Variants in GCHFR observed in about 807,000 individuals in gnomAD.
The protein encoded by GCHFR is GTP cyclohydrolase I feedback regulator.
A neutral mutation model predicts 10.6 loss-of-function variants in GCHFR; 12 were observed. The observed-to-expected ratio is 1.13, with a 90% confidence interval of 0.72 to 1.83. The LOEUF (loss-of-function observed/expected upper bound fraction) is 1.83, where lower values mean the gene tolerates loss of function less well. GCHFR is among the 40% of genes most tolerant of loss of function. The probability of loss-of-function intolerance (pLI) is 0.00; values close to 1 mark genes in which losing one functional copy is unlikely to be tolerated. For missense variants in GCHFR, 116 were observed against 110.6 expected (o/e 1.05, Z -0.22); for synonymous variants, 54 against 43.7 (o/e 1.24, Z -0.93).
chr15:40,766,991 C>T (rs1427630384), intron 2 of GCHFR: 3 of 361,718 alleles, frequency 8.3e-6, no homozygotes, highest in Non-Finnish European at 1.5e-5. Flanking sequence ...TCTCATCTAT[C>T]AATGGCCACA....
intron 1 of GCHFR, chr15:40,764,446 G>T: frequency 2.1e-6 from 1 of 477,538 alleles, no homozygotes; most frequent in Non-Finnish European, 3.7e-6. Flanking sequence ...AGGGGCCCGG[G>T]TACGTGCGTC....
At position 40,764,196 on chromosome 15, in the gene GCHFR, A is replaced by G; in HGVS notation, c.16A>G (p.Ile6Val). MPYLL[I>V]STQIRMEVGP... ...CGCGTGCACCATGCCCTACCTGCTC[A>G]TCAGCACCCAGATCCGCATGGTGAG... is the stretch of plus-strand genomic sequence containing the variant. The change falls in exon 1 of 3, where the codon ATC becomes GTC. Residue 6 changes from isoleucine (I) to valine (V), a missense_variant. By Grantham distance (29) the Ile-to-Val change is conservative. Transcript: ENST00000260447. The G allele has an allele frequency of 6.4e-7, 1 of 1,559,866 alleles. No homozygotes were observed. The highest frequency in any genetic ancestry group is 8.7e-7 in the Non-Finnish European group (1 of 1,153,024).
Position 40,767,401 on chromosome 15 carries a change from G to A in GCHFR, c.*52G>A. ...GCACCCCTGTGGAGGGGCTGCTGTG[G>A]GCCCTGACCTCCAAGCTCCTGCCTC... On this transcript the variant is annotated 3_prime_UTR_variant, in exon 3 of 3. Transcript: ENST00000260447. The A allele has an allele frequency of 6.5e-6, 10 of 1,530,986 alleles. No homozygotes were observed. Among genetic ancestry groups the A allele is most frequent in the African/African-American group, 1.4e-5 (1 of 69,960 alleles). 94.8% of individuals were successfully genotyped at this position (1,530,986 alleles called of 1,614,324 possible).
chr15:40,766,786 T>C (rs1888959185), intron 2 of GCHFR: 1 of 151,892 alleles, frequency 6.6e-6, no homozygotes. Context: ...TGGAGGCTTA[T>C]TTTTTTTTGA....
At chr15:40,765,960 C>G in intron 2 of GCHFR, 39 bp downstream of exon 2, 1 of 1,071,982 alleles carries the variant, frequency 9.3e-7, no homozygotes, top group African/African-American at 1.6e-5. Context: ...TCCCTGCCAG[C>G]CCCTAGACCT....
intron 1 of GCHFR, chr15:40,765,510 C>T (rs1429087373): frequency 4.9e-6 from 1 of 203,102 alleles, no homozygotes; most frequent in African/African-American, 2.3e-5. Flanking sequence ...AATCATGGCT[C>T]ACTGCAGCCT....
intron 2 of GCHFR, 24 bp from the exon 3 acceptor site, chr15:40,767,202 C>G (rs1888968348): frequency 1.4e-6 from 2 of 1,470,328 alleles, no homozygotes; most frequent in Non-Finnish European, 1.8e-6. Context: ...CCCTCCTCAC[C>G]CCCCCCATCC....
intron 2 of GCHFR, 164 bp downstream of exon 2, chr15:40,766,085 T>TC: frequency 2.3e-6 from 1 of 440,292 alleles, no homozygotes; most frequent in Admixed American, 4.1e-5. Flanking sequence ...CTGTAGCCTC[T>TC]CCAACATCCC....
At position 40,766,826 on chromosome 15, in the gene GCHFR, G is replaced by A. The variant is rs900813979; in HGVS notation, c.132-400G>A. On this transcript the variant is annotated intron_variant, in intron 2 of 2. Transcript: ENST00000260447. ...GAGTCTCTGTCGCCCAGGCTGGAGTGCGGTGGTGCAATCATGGCTCACTGC... is the reference window on the plus strand; with the variant it reads ...GAGTCTCTGTCGCCCAGGCTGGAGTACGGTGGTGCAATCATGGCTCACTGC... 53 of 157,250 alleles carry A rather than the reference G, an allele frequency of 3.4e-4. 1 individual carries two copies. Among genetic ancestry groups the A allele is most frequent in the Non-Finnish European group, 3.1e-4 (22 of 71,462 alleles). 9.7% of individuals were successfully genotyped at this position (157,250 alleles called of 1,614,324 possible).
intron 1 of GCHFR, chr15:40,765,493 G>C (rs965593013): frequency 5.4e-6 from 1 of 186,426 alleles, no homozygotes; most frequent in African/African-American, 2.3e-5. Flanking sequence ...CTGGAGTGCA[G>C]TGGTGCAATC....
In GCHFR at chr15:40,767,645, C is replaced by T. The variant is rs933632809; in HGVS notation, c.*296C>T. ...CTGCCCCGGGCCGGAGCTGGGCACT[C>T]CAGCGGCCCTGGCGCGTGGCTCCTG... On this transcript the variant is annotated 3_prime_UTR_variant, in exon 3 of 3. Coordinates refer to ENST00000260447, the MANE Select transcript of GCHFR (RefSeq NM_005258.3). 3 of 583,720 alleles carry T rather than the reference C, an allele frequency of 5.1e-6. No individual in the cohort carries two copies. The highest frequency in any genetic ancestry group is 3.9e-5 in the African/African-American group (2 of 51,676). The allele number at this position is 583,720 out of a possible 1,614,324, so 36.2% of individuals were successfully genotyped here. A position where few individuals can be genotyped will look rare whatever the true frequency, so the allele number is the denominator to read the frequency against.
At chr15:40,765,005 CAG>C (rs1888918210) in intron 1 of GCHFR, 2 of 152,202 alleles carry the variant, frequency 1.3e-5, no homozygotes, top group African/African-American at 4.8e-5. Context: ...CACCACGCAA[CAG>C]AGAGCTCTTG....
chr15:40,765,135 G>C (rs1460890243), intron 1 of GCHFR: 2 of 152,182 alleles, frequency 1.3e-5, no homozygotes, highest in African/African-American at 4.8e-5. Flanking sequence ...CCCATACTTG[G>C]AAATGGCCCC....
chr15:40,766,887 G>T lies in GCHFR; in HGVS notation c.132-339G>T, dbSNP rs146608808. 6 of 176,502 alleles carry T rather than the reference G, an allele frequency of 3.4e-5. No homozygotes were observed. The East Asian group carries it at 8.7e-4, about 26-fold the overall frequency. The allele number at this position is 176,502 out of a possible 1,614,324, so 10.9% of individuals were successfully genotyped here. Reference sequence around the variant, plus strand: ...TCCTCCTACCTGGAAGCCTGGGTGGGGAGCAAGCCCAGGGAGGGCGGCAGC... The same window carrying T: ...TCCTCCTACCTGGAAGCCTGGGTGGTGAGCAAGCCCAGGGAGGGCGGCAGC... On this transcript the variant is annotated intron_variant, in intron 2 of 2. Transcript: ENST00000260447.
In GCHFR at chr15:40,767,572, C is replaced by G. The variant is rs1447958434; in HGVS notation, c.*223C>G. ...CCTGGTGCTCCCAGCTGCCCTCCTG[C>G]TTCGGGCCTGGGCCGAGGGCCTTGT... On this transcript the variant is annotated 3_prime_UTR_variant, in exon 3 of 3. Coordinates refer to ENST00000260447, the MANE Select transcript of GCHFR (RefSeq NM_005258.3). 3.3e-6 allele frequency: 2 copies of G among 609,010 alleles called. No individual in the cohort carries two copies. The highest frequency in any genetic ancestry group is 3.9e-5 in the African/African-American group (2 of 51,868). 37.7% of individuals were successfully genotyped at this position (609,010 alleles called of 1,614,324 possible).
chr15:40,764,956 G>A (rs1888917192), intron 1 of GCHFR, among the ~76,000 whole-genome samples: 1 of 152,146 alleles, frequency 6.6e-6, no homozygotes. Context: ...CCAGTGCTGG[G>A]GTGAACCAGC....
At chr15:40,767,109 C>CAGCCAGCAAGT in intron 2 of GCHFR, 117 bp from the exon 3 acceptor site, 2 of 1,100,770 alleles carry the variant, frequency 1.8e-6, no homozygotes, top group Non-Finnish European at 2.5e-6. Flanking sequence ...GCCCAGCAAG[C>CAGCCAGCAAGT]AGCCAGCAAG....
At chr15:40,764,698 C>T (rs1888910625) in intron 1 of GCHFR, 1 of 156,164 alleles carries the variant, frequency 6.4e-6, no homozygotes, top group Admixed American at 6.5e-5. Flanking sequence ...CCCTTAGGCA[C>T]TTCCAGGAAG....
At chr15:40,765,724 C>G in intron 1 of GCHFR, 103 bp from the exon 2 acceptor site, 1 of 531,638 alleles carries the variant, frequency 1.9e-6, no homozygotes, top group Non-Finnish European at 3.4e-6. Flanking sequence ...GTAGCCTTTA[C>G]CTGAACCTTA....
Sources: allele counts gnomAD v4.1 joint callset (sites outside exome capture counted in the v4.1 genomes callset), GRCh38; gene constraint gnomAD v4.1.1; transcripts MANE v1.5; gene names NCBI Gene and HGNC (gene_info 2026-07-23, HGNC 2026-07-21).